Variants in BAALC observed in about 807,000 individuals in gnomAD.
The protein encoded by BAALC is brain and acute leukemia cytoplasmic protein.
A neutral mutation model predicts 15.5 loss-of-function variants in BAALC; 9 were observed. That is an observed-to-expected ratio of 0.58 (90% CI 0.35 to 1.02). BAALC has a LOEUF of 1.02. BAALC is among the 50% of genes least tolerant of loss of function. BAALC has a pLI of 0.02. For missense variants in BAALC, 201 were observed against 192.4 expected, an observed-to-expected ratio of 1.04 and a Z score of -0.27; for synonymous variants, 80 against 74.6, an observed-to-expected ratio of 1.07 and a Z score of -0.37.
At chr8:103,158,250 C>T (rs948926525) in intron 1 of BAALC, among the ~76,000 whole-genome samples, 1 of 152,032 alleles carries the variant, frequency 6.6e-6, no homozygotes, top group African/African-American at 2.4e-5. Flanking sequence ...TAAAATGTTG[C>T]TATATTCAGT....
chr8:103,164,625 A>G (rs934913506), intron 1 of BAALC, among the ~76,000 whole-genome samples: 2 of 152,110 alleles, frequency 1.3e-5, no homozygotes, highest in African/African-American at 4.8e-5. Flanking sequence ...ATACCACACT[A>G]TTGAGTCCTC....
intron 1 of BAALC, among the ~76,000 whole-genome samples, chr8:103,150,083 G>A (rs1420148993): frequency 6.6e-6 from 1 of 152,158 alleles, no homozygotes; most frequent in African/African-American, 2.4e-5. Context: ...GATGGAAGGT[G>A]AAAGGCACAT....
In BAALC at chr8:103,188,696, A is replaced by G. The variant is rs1204623278; in HGVS notation, c.161-24223A>G. Among the ~76,000 whole-genome samples the G allele has an allele frequency of 4.6e-5, 7 of 152,352 alleles. No homozygotes were observed. The South Asian group carries it at 6.2e-4, about 14-fold the overall frequency. On this transcript the variant is annotated intron_variant, in intron 1 of 2. Coordinates refer to ENST00000309982, the MANE Select transcript of BAALC (RefSeq NM_024812.3). ...CCTCTACTTACAGTTTTCATAGCCC[A>G]GTAATCAGGCACATGCTCCCCTTCC...
intron 1 of BAALC, among the ~76,000 whole-genome samples, chr8:103,180,991 A>G (rs1013285143): frequency 2.6e-5 from 4 of 152,180 alleles, no homozygotes; most frequent in Admixed American, 2.6e-4. Context: ...AGTTGAAGAG[A>G]GCTGGCTTTC....
At chr8:103,183,612 G>A (rs565095402) in intron 1 of BAALC, among the ~76,000 whole-genome samples, 5 of 152,304 alleles carry the variant, frequency 3.3e-5, no homozygotes, top group African/African-American at 7.2e-5. Flanking sequence ...GGACACTCAG[G>A]CTTCAGTATG....
At chr8:103,187,612 G>T (rs1811870782) in intron 1 of BAALC, among the ~76,000 whole-genome samples, 1 of 152,024 alleles carries the variant, frequency 6.6e-6, no homozygotes, top group South Asian at 2.1e-4. Flanking sequence ...TTAATATTTT[G>T]GCAAACAGCT....
At chr8:103,179,282 C>T (rs995525871) in intron 1 of BAALC, among the ~76,000 whole-genome samples, 2 of 152,194 alleles carry the variant, frequency 1.3e-5, no homozygotes, top group Non-Finnish European at 2.9e-5. Context: ...TGTGTGGCCT[C>T]TACAGCTGAA....
intron 1 of BAALC, chr8:103,183,268 CA>C: frequency 1.5e-6 from 1 of 686,870 alleles, no homozygotes; most frequent in South Asian, 1.5e-5. Flanking sequence ...GTCAGAATCC[CA>C]AAGATGATGG....
chr8:103,157,869 A>G (rs910196363), intron 1 of BAALC, among the ~76,000 whole-genome samples: 1 of 152,234 alleles, frequency 6.6e-6, no homozygotes, highest in Non-Finnish European at 1.5e-5. Flanking sequence ...GTCATTTTTT[A>G]TAGGTTGAAA....
At chr8:103,190,553 A>G (rs1811942979) in intron 1 of BAALC, among the ~76,000 whole-genome samples, 1 of 152,202 alleles carries the variant, frequency 6.6e-6, no homozygotes, top group African/African-American at 2.4e-5. Flanking sequence ...GGGGTATTAT[A>G]AAGTGTTGCA....
intron 1 of BAALC, among the ~76,000 whole-genome samples, chr8:103,168,787 G>A (rs1161288745): frequency 6.6e-6 from 1 of 152,000 alleles, no homozygotes; most frequent in Non-Finnish European, 1.5e-5. Context: ...TGTATTCTGT[G>A]TCTTTCTCTT....
chr8:103,204,599 G>A (rs1331845042), intron 1 of BAALC, among the ~76,000 whole-genome samples: 3 of 152,190 alleles, frequency 2.0e-5, no homozygotes, highest in South Asian at 2.1e-4. Flanking sequence ...TTTGTATATG[G>A]TGTGAAGTAG....
At chr8:103,206,022 C>T (rs1812319614) in intron 1 of BAALC, among the ~76,000 whole-genome samples, 1 of 152,136 alleles carries the variant, frequency 6.6e-6, no homozygotes, top group African/African-American at 2.4e-5. Flanking sequence ...AAATTGAAGA[C>T]ACCCAGTTAA....
At chr8:103,206,656 G>A (rs1432203961) in intron 1 of BAALC, among the ~76,000 whole-genome samples, 3 of 152,088 alleles carry the variant, frequency 2.0e-5, no homozygotes, top group Non-Finnish European at 4.4e-5. Context: ...AGGGGCAGAA[G>A]AAATACATCC....
At chr8:103,154,745 A>G (rs1197334454) in intron 1 of BAALC, 1 of 154,310 alleles carries the variant, frequency 6.5e-6, no homozygotes, top group Non-Finnish European at 1.5e-5. Flanking sequence ...GATAGCACAC[A>G]CCATTTAGGA....
chr8:103,146,967 A>G (rs935504381), intron 1 of BAALC, among the ~76,000 whole-genome samples: 1 of 152,168 alleles, frequency 6.6e-6, no homozygotes, highest in Non-Finnish European at 1.5e-5. Context: ...GGGCTTGGTC[A>G]TTCCTCTGTC....
At chr8:103,222,703 A>G (rs1348522730) in intron 2 of BAALC, among the ~76,000 whole-genome samples, 1 of 152,218 alleles carries the variant, frequency 6.6e-6, no homozygotes, top group Non-Finnish European at 1.5e-5. Flanking sequence ...ACTTAAATAC[A>G]GTGTCATTAT....
chr8:103,171,192 G>C (rs1375393586), intron 1 of BAALC, among the ~76,000 whole-genome samples: 1 of 148,978 alleles, frequency 6.7e-6, no homozygotes, highest in Admixed American at 6.7e-5. Context: ...GAGAGAGGGA[G>C]GGAGGAAGGA....
chr8:103,209,450 A>G (rs1812401434), intron 1 of BAALC, among the ~76,000 whole-genome samples: 1 of 152,122 alleles, frequency 6.6e-6, no homozygotes, highest in Non-Finnish European at 1.5e-5. Flanking sequence ...CTTGACTCCC[A>G]TTCAGCAGCC....
Sources: allele counts gnomAD v4.1 joint callset (sites outside exome capture counted in the v4.1 genomes callset), GRCh38; gene constraint gnomAD v4.1.1; transcripts MANE v1.5; gene names NCBI Gene and HGNC (gene_info 2026-07-23, HGNC 2026-07-21).